The following GRM7 variants were observed in gnomAD, a reference collection of about 807,000 sequenced individuals.
GRM7 encodes the protein metabotropic glutamate receptor 7.
GRM7 carries 35 observed loss-of-function variants against 84.5 expected under a neutral mutation model. The ratio of observed to expected loss-of-function variants is 0.41; its 90% CI spans 0.32 to 0.55. GRM7 has a LOEUF of 0.55. Among genes scored for constraint, GRM7 ranks in the 20% least tolerant of loss-of-function variants. The pLI is 0.19. For synonymous variants in GRM7, 487 were observed against 455.1 expected (o/e 1.07, Z -0.89); for missense variants, 1,003 against 1,194.6 (o/e 0.84, Z 2.36).
chr3:7,326,425 A>G (rs1425181993), intron 4 of GRM7, among the ~76,000 whole-genome samples: 4 of 152,148 alleles, frequency 2.6e-5, no homozygotes, highest in Admixed American at 6.5e-5. Flanking sequence ...TAAAGAGCTG[A>G]AAGTTAAAAG....
intron 7 of GRM7, among the ~76,000 whole-genome samples, chr3:7,562,478 C>T (rs1044518509): frequency 1.3e-5 from 2 of 151,940 alleles, no homozygotes; most frequent in African/African-American, 2.4e-5. Context: ...TTAAGTGAGT[C>T]GATCAAGATG....
intron 9 of GRM7, among the ~76,000 whole-genome samples, chr3:7,733,095 C>G (rs181397188): frequency 1.8e-3 from 278 of 152,266 alleles, no homozygotes; most frequent in African/African-American, 6.1e-3. Flanking sequence ...TTTGGCCTTA[C>G]TGCATGCTAT....
chr3:7,429,356 G>A (rs1236214303), intron 5 of GRM7, among the ~76,000 whole-genome samples: 1 of 152,024 alleles, frequency 6.6e-6, no homozygotes, highest in Non-Finnish European at 1.5e-5. Flanking sequence ...AAACATTTTT[G>A]GACAATTGAA....
chr3:7,413,686 G>T (rs1000356524), intron 4 of GRM7, among the ~76,000 whole-genome samples: 3 of 152,132 alleles, frequency 2.0e-5, no homozygotes, highest in Non-Finnish European at 4.4e-5. Flanking sequence ...CCACCCAGTT[G>T]CCCTGTGGAA....
chr3:7,371,005 A>C (rs1216870803), intron 4 of GRM7, among the ~76,000 whole-genome samples: 1 of 152,206 alleles, frequency 6.6e-6, no homozygotes, highest in East Asian at 1.9e-4. Flanking sequence ...TATGTTGCTA[A>C]CTTGAACAAG....
chr3:6,919,263 A>G (rs1418021394), intron 1 of GRM7, among the ~76,000 whole-genome samples: 2 of 151,784 alleles, frequency 1.3e-5, no homozygotes, highest in African/African-American at 2.4e-5. Flanking sequence ...CAGTGGTGCC[A>G]TCTTGGCTCA....
chr3:7,095,657 G>A (rs955536541), intron 1 of GRM7, among the ~76,000 whole-genome samples: 1 of 152,022 alleles, frequency 6.6e-6, no homozygotes, highest in Non-Finnish European at 1.5e-5. Context: ...AATATTGTAT[G>A]TTATCTTCAT....
At chr3:7,326,509 A>T (rs1359296487) in intron 4 of GRM7, among the ~76,000 whole-genome samples, 2 of 152,106 alleles carry the variant, frequency 1.3e-5, no homozygotes, top group African/African-American at 4.8e-5. Flanking sequence ...CCTACGTATC[A>T]AGAGAAAGGA....
At chr3:6,948,237 A>T (rs1698166377) in intron 1 of GRM7, among the ~76,000 whole-genome samples, 1 of 152,028 alleles carries the variant, frequency 6.6e-6, no homozygotes, top group South Asian at 2.1e-4. Flanking sequence ...TGTGTCCCAG[A>T]GATTCTGGTA....
intron 2 of GRM7, among the ~76,000 whole-genome samples, chr3:7,211,095 C>T (rs1696409685): frequency 6.6e-6 from 1 of 152,172 alleles, no homozygotes; most frequent in South Asian, 2.1e-4. Flanking sequence ...GTTCAGACCT[C>T]TTGACAGTAT....
intron 3 of GRM7, 67 bp downstream of exon 3, chr3:7,298,892 G>A: frequency 1.5e-6 from 2 of 1,378,730 alleles, no homozygotes; most frequent in Non-Finnish European, 2.1e-6. Flanking sequence ...AGATTAGGCT[G>A]CTGGCTGAGA....
intron 1 of GRM7, among the ~76,000 whole-genome samples, chr3:6,906,127 C>T (rs983140460): frequency 1.3e-5 from 2 of 152,174 alleles, no homozygotes; most frequent in Non-Finnish European, 1.5e-5. Flanking sequence ...GCTGATGAAT[C>T]AGCAGGGTGA....
chr3:7,583,406 G>T (rs1872398), intron 8 of GRM7, among the ~76,000 whole-genome samples: 1,956 of 152,254 alleles, frequency 0.013, 47 homozygotes, highest in African/African-American at 0.044. Flanking sequence ...CTCCATCCAC[G>T]CCCAAGGCAG....
At chr3:7,590,772 C>T (rs1695743449) in intron 8 of GRM7, among the ~76,000 whole-genome samples, 1 of 152,126 alleles carries the variant, frequency 6.6e-6, no homozygotes, top group Admixed American at 6.5e-5. Flanking sequence ...TCATGGCTTC[C>T]TTAACTCTCC....
chr3:7,658,335 A>G (rs374915373), intron 8 of GRM7, among the ~76,000 whole-genome samples: 31 of 152,352 alleles, frequency 2.0e-4, no homozygotes, highest in South Asian at 1.4e-3. Flanking sequence ...TCAGAGAGGG[A>G]AAATAGATGA....
At chr3:7,607,229 T>C (rs1696622230) in intron 8 of GRM7, 1 of 152,212 alleles carries the variant, frequency 6.6e-6, no homozygotes. Flanking sequence ...TGCAATGCTT[T>C]TATCTTTGCT....
At position 7,108,624 on chromosome 3, in the gene GRM7, TC is replaced by T. The variant is rs576108286; in HGVS notation, c.520-37824del. On this transcript the variant is annotated intron_variant, in intron 1 of 9. Coordinates refer to ENST00000357716, the MANE Select transcript of GRM7 (RefSeq NM_000844.4). ...ACAAGAGAAAGAATGGTTCAGTCAGTCCCCATTCATTATGGACCATCTCATT... is the reference window on the plus strand; with the variant it reads ...ACAAGAGAAAGAATGGTTCAGTCAGTCCCATTCATTATGGACCATCTCATT... 4.5e-3 allele frequency among the ~76,000 whole-genome samples: 679 copies of T among 152,088 alleles called. 7 individuals carry two copies. The highest frequency in any genetic ancestry group is 0.016 in the African/African-American group (650 of 41,502).
At chr3:7,033,995 G>A (rs574383938) in intron 1 of GRM7, among the ~76,000 whole-genome samples, 54 of 152,248 alleles carry the variant, frequency 3.5e-4, no homozygotes, top group African/African-American at 1.1e-3. Flanking sequence ...TTATGCCTAA[G>A]CACCAATTAC....
At chr3:6,869,439 A>G (rs1695040643) in intron 1 of GRM7, among the ~76,000 whole-genome samples, 1 of 152,212 alleles carries the variant, frequency 6.6e-6, no homozygotes. Flanking sequence ...TTAAGTGTCA[A>G]TATTGCTTAA....
Sources: allele counts gnomAD v4.1 joint callset (sites outside exome capture counted in the v4.1 genomes callset), GRCh38; gene constraint gnomAD v4.1.1; transcripts MANE v1.5; gene names NCBI Gene and HGNC (gene_info 2026-07-23, HGNC 2026-07-21).